The following DLG2 variants were observed in gnomAD, a reference collection of about 807,000 sequenced individuals.
DLG2 encodes disks large homolog 2.
Under a neutral mutation model 132.5 loss-of-function variants are expected in DLG2, and 45 were observed. That is an observed-to-expected ratio of 0.34 (90% confidence interval 0.27 to 0.44). DLG2 has a LOEUF of 0.44. Ranked by LOEUF, DLG2 falls within the 20% of genes least tolerant of loss-of-function variation. DLG2 has a pLI of 1.00. For synonymous variants in DLG2, 424 were observed against 419.6 expected (o/e 1.01, Z -0.13); for missense variants, 1,045 against 1,196.9 (o/e 0.87, Z 1.87).
chr11:85,399,470 C>T (rs2087803437), intron 3 of DLG2, among the ~76,000 whole-genome samples: 1 of 152,102 alleles, frequency 6.6e-6, no homozygotes, highest in Admixed American at 6.6e-5. Flanking sequence ...CCCGCATCAC[C>T]AAGTCAACCC....
chr11:85,140,327 C>A (rs1459956584), intron 5 of DLG2, among the ~76,000 whole-genome samples: 2 of 151,908 alleles, frequency 1.3e-5, no homozygotes, highest in Non-Finnish European at 2.9e-5. Context: ...CATTTGTCAT[C>A]TTTTGACTTT....
intron 11 of DLG2, among the ~76,000 whole-genome samples, chr11:84,047,632 A>G (rs1370454107): frequency 6.6e-6 from 1 of 151,662 alleles, no homozygotes; most frequent in African/African-American, 2.4e-5. Context: ...GTACAGTGCA[A>G]TTATTTAAAT....
chr11:84,920,407 C>T (rs944215716), intron 6 of DLG2, among the ~76,000 whole-genome samples: 12 of 152,142 alleles, frequency 7.9e-5, no homozygotes, highest in Non-Finnish European at 1.0e-4. Flanking sequence ...ACAGCAAAAC[C>T]TTTCTTGATT....
At chr11:84,207,662 G>A (rs546109032) in intron 8 of DLG2, among the ~76,000 whole-genome samples, 7 of 152,216 alleles carry the variant, frequency 4.6e-5, no homozygotes, top group South Asian at 2.1e-4. Flanking sequence ...AAACCATTAT[G>A]TAATAGTTAA....
At chr11:83,969,210 C>CTCCTTACG (rs1206650078) in intron 12 of DLG2, among the ~76,000 whole-genome samples, 2 of 152,120 alleles carry the variant, frequency 1.3e-5, no homozygotes, top group Admixed American at 1.3e-4. Context: ...GATCACAAGC[C>CTCCTTACG]TCCTTACGAG....
chr11:85,019,090 T>G (rs1210730120), intron 6 of DLG2, among the ~76,000 whole-genome samples: 1 of 152,204 alleles, frequency 6.6e-6, no homozygotes, highest in Non-Finnish European at 1.5e-5. Flanking sequence ...GAGATTGCCT[T>G]TGCAGTTAGG....
chr11:85,129,028 T>G (rs1329086615), intron 5 of DLG2, among the ~76,000 whole-genome samples: 1 of 152,182 alleles, frequency 6.6e-6, no homozygotes, highest in Non-Finnish European at 1.5e-5. Context: ...CTTATCCACA[T>G]CTTAAAACTA....
chr11:84,352,902 C>G (rs368549978), intron 7 of DLG2, among the ~76,000 whole-genome samples: 1 of 152,128 alleles, frequency 6.6e-6, no homozygotes, highest in South Asian at 2.1e-4. Flanking sequence ...AAAGAGAACA[C>G]ATAGAAGAGT....
rs1467799297 is a variant in DLG2, at chr11:83,790,866, C to T, written c.1723-4074G>A. On this transcript the variant is annotated intron_variant, in intron 17 of 27. Transcript: ENST00000376104. ...AGAAGAACTGTCCAGACAATAGCTA[C>T]TTGATCCTTCCAAAGGACACATCCC... 25 of 746,108 alleles carry T rather than the reference C, an allele frequency of 3.4e-5. No homozygotes were observed. In the Admixed American group the frequency reaches 4.4e-4, roughly 13 times the overall value. 46.2% of individuals were successfully genotyped at this position (746,108 alleles called of 1,614,324 possible).
chr11:85,145,519 T>A (rs760934392), intron 5 of DLG2, among the ~76,000 whole-genome samples: 2 of 152,064 alleles, frequency 1.3e-5, no homozygotes, highest in Non-Finnish European at 2.9e-5. Flanking sequence ...CTCTTTATTA[T>A]TTTTTTCTTC....
chr11:85,598,247 A>G (rs1210350566), intron 3 of DLG2, among the ~76,000 whole-genome samples: 1 of 152,066 alleles, frequency 6.6e-6, no homozygotes, highest in Non-Finnish European at 1.5e-5. Flanking sequence ...TAAAAGTGTA[A>G]CTTTGATTCT....
intron 7 of DLG2, among the ~76,000 whole-genome samples, chr11:84,531,411 C>A (rs753446658): frequency 2.6e-5 from 4 of 152,160 alleles, no homozygotes; most frequent in Non-Finnish European, 2.9e-5. Context: ...AATCTGCACA[C>A]CAAACCTCCA....
chr11:84,609,837 C>A (rs534179064), intron 6 of DLG2, among the ~76,000 whole-genome samples: 2 of 152,136 alleles, frequency 1.3e-5, no homozygotes, highest in South Asian at 4.2e-4. Context: ...CCAAAGCAAT[C>A]TCAGTATTTA....
chr11:85,089,500 T>A (rs1250945054), intron 6 of DLG2, among the ~76,000 whole-genome samples: 2 of 152,206 alleles, frequency 1.3e-5, no homozygotes, highest in African/African-American at 4.8e-5. Flanking sequence ...CCATGCTATA[T>A]GTACCTCATT....
intron 3 of DLG2, among the ~76,000 whole-genome samples, chr11:85,559,358 C>T (rs2077100037): frequency 6.6e-6 from 1 of 150,994 alleles, no homozygotes. Flanking sequence ...ACCATGTTGG[C>T]CAGGATGGTC....
At chr11:84,829,866 T>C (rs1455102148) in intron 6 of DLG2, among the ~76,000 whole-genome samples, 1 of 151,614 alleles carries the variant, frequency 6.6e-6, no homozygotes, top group Non-Finnish European at 1.5e-5. Context: ...ATAAATAGAA[T>C]AGAATAGAAT....
chr11:83,919,247 T>A (rs760009653), intron 15 of DLG2, among the ~76,000 whole-genome samples: 2 of 152,158 alleles, frequency 1.3e-5, no homozygotes, highest in Non-Finnish European at 2.9e-5. Flanking sequence ...CAGTGTAGCT[T>A]AGGGTCTACA....
At chr11:84,027,312 C>T (rs967871690) in intron 11 of DLG2, among the ~76,000 whole-genome samples, 1 of 152,078 alleles carries the variant, frequency 6.6e-6, no homozygotes, top group Non-Finnish European at 1.5e-5. Flanking sequence ...CAACTACTAA[C>T]TCATGTTTGA....
rs373794796 is a variant in DLG2 at position 83,766,186 on chromosome 11, C to T, written c.1825+20504G>A. Among the ~76,000 whole-genome samples the T allele has an allele frequency of 7.3e-5, 11 of 151,426 alleles. No homozygotes were observed. The East Asian group carries it at 7.8e-4, about 11-fold the overall frequency. On this transcript the variant is annotated intron_variant, in intron 18 of 27. Transcript: ENST00000376104. ...TCGGCTCACTGCAACCTCTGCCTCC[C>T]GAGTTCAAGCAATTCTCCTGCCTCA...
Sources: allele counts gnomAD v4.1 joint callset (sites outside exome capture counted in the v4.1 genomes callset), GRCh38; gene constraint gnomAD v4.1.1; transcripts MANE v1.5; gene names NCBI Gene and HGNC (gene_info 2026-07-23, HGNC 2026-07-21).